The following ROBO1 variants were observed in gnomAD, a reference collection of about 807,000 sequenced individuals.
ROBO1 encodes roundabout homolog 1.
A neutral mutation model predicts 195.9 loss-of-function variants in ROBO1; 149 were observed. That is an observed-to-expected ratio of 0.76 (90% CI 0.67 to 0.87). ROBO1 has a LOEUF of 0.87. Among genes scored for constraint, ROBO1 ranks in the 40% least tolerant of loss-of-function variants. The pLI is 0.00. For synonymous variants in ROBO1, 816 were observed against 733.2 expected, an observed-to-expected ratio of 1.11 and a Z score of -1.82; for missense variants, 1,933 against 2,068.3, an observed-to-expected ratio of 0.93 and a Z score of 1.27.
At chr3:78,732,489 T>C (rs1044262576) in intron 5 of ROBO1, among the ~76,000 whole-genome samples, 2 of 152,170 alleles carry the variant, frequency 1.3e-5, no homozygotes, top group Non-Finnish European at 2.9e-5. Context: ...ATATCCCACA[T>C]ACATTTCTAT....
At chr3:79,702,446 T>C (rs1031009802) in intron 1 of ROBO1, among the ~76,000 whole-genome samples, 18 of 151,860 alleles carry the variant, frequency 1.2e-4, no homozygotes, top group African/African-American at 4.3e-4. Context: ...CAAACTTAAA[T>C]CTTGTGCTGG....
intron 1 of ROBO1, among the ~76,000 whole-genome samples, chr3:79,639,642 A>G (rs1033808940): frequency 6.6e-6 from 1 of 152,190 alleles, no homozygotes; most frequent in Non-Finnish European, 1.5e-5. Context: ...TAGTTTTATT[A>G]TATTTCACTC....
chr3:79,674,827 CGTGTGTGTGTGTGT>C (rs151094387), intron 1 of ROBO1, among the ~76,000 whole-genome samples: 20 of 61,918 alleles, frequency 3.2e-4, no homozygotes, highest in South Asian at 6.2e-4. Context: ...TATTTATATC[CGTGTGTGTGTGTGT>C]GTGTGTGTGT....
chr3:78,819,303 C>T (rs573665239), intron 4 of ROBO1, among the ~76,000 whole-genome samples: 2 of 152,082 alleles, frequency 1.3e-5, no homozygotes, highest in South Asian at 2.1e-4. Context: ...TCTTGTTTAT[C>T]TTTAATTACC....
intron 7 of ROBO1, among the ~76,000 whole-genome samples, chr3:78,716,742 G>T (rs570358932): frequency 6.6e-6 from 1 of 152,188 alleles, no homozygotes; most frequent in African/African-American, 2.4e-5. Flanking sequence ...AAGACGGCCC[G>T]CTGACAGTAC....
chr3:78,849,590 CTT>C (rs900715554), intron 4 of ROBO1, among the ~76,000 whole-genome samples: 2 of 151,686 alleles, frequency 1.3e-5, no homozygotes, highest in African/African-American at 2.4e-5. Context: ...AGAATGTTGT[CTT>C]TGTGTCATTT....
chr3:79,136,713 C>A (rs754802027), intron 2 of ROBO1, among the ~76,000 whole-genome samples: 1 of 152,028 alleles, frequency 6.6e-6, no homozygotes, highest in Non-Finnish European at 1.5e-5. Context: ...TTAAGTTAAA[C>A]TCAAACTTCT....
At chr3:79,759,209 A>G (rs1704565212) in intron 1 of ROBO1, among the ~76,000 whole-genome samples, 1 of 152,216 alleles carries the variant, frequency 6.6e-6, no homozygotes, top group Non-Finnish European at 1.5e-5. Flanking sequence ...AAGTTGTTTT[A>G]CAATCTTCCT....
In ROBO1 at chr3:79,350,364, G is replaced by A. The variant is rs548012290; in HGVS notation, c.89-224825C>T. The stretch of plus-strand genomic sequence containing the variant: ...TGCTAGTTGGATTGTAATATGTTAC[G>A]GTGACTTTGAAAACCACTGTCCGTT... On this transcript the variant is annotated intron_variant, in intron 2 of 30. Coordinates refer to ENST00000464233, the MANE Select transcript of ROBO1 (RefSeq NM_002941.4). Among the ~76,000 whole-genome samples, 11 of 152,194 alleles carry A rather than the reference G, an allele frequency of 7.2e-5. No homozygotes were observed. In the South Asian group the frequency reaches 1.2e-3, roughly 17 times the overall value.
chr3:78,748,725 C>T (rs1215524805), intron 4 of ROBO1, among the ~76,000 whole-genome samples: 1 of 151,910 alleles, frequency 6.6e-6, no homozygotes, highest in Non-Finnish European at 1.5e-5. Context: ...AGTAAGTTAT[C>T]ACATCCATGA....
chr3:78,705,261 T>C (rs1452008730), intron 8 of ROBO1, among the ~76,000 whole-genome samples: 1 of 152,174 alleles, frequency 6.6e-6, no homozygotes, highest in Non-Finnish European at 1.5e-5. Context: ...CCTGATGAAT[T>C]TTTAATTTAG....
At chr3:79,742,601 C>A (rs1360486259) in intron 1 of ROBO1, among the ~76,000 whole-genome samples, 1 of 152,128 alleles carries the variant, frequency 6.6e-6, no homozygotes, top group Non-Finnish European at 1.5e-5. Flanking sequence ...CCGAGGGTTC[C>A]CCAGCCTCAC....
chr3:79,308,212 A>G (rs1166349909), intron 2 of ROBO1, among the ~76,000 whole-genome samples: 3 of 152,186 alleles, frequency 2.0e-5, no homozygotes, highest in Admixed American at 6.6e-5. Flanking sequence ...TAGAAGTTGT[A>G]TAATTTTTGT....
At chr3:78,630,555 C>A (rs1397572577) in intron 25 of ROBO1, among the ~76,000 whole-genome samples, 1 of 152,030 alleles carries the variant, frequency 6.6e-6, no homozygotes, top group Non-Finnish European at 1.5e-5. Context: ...GAGTTTTCCC[C>A]CTTTGGTTAT....
chr3:78,931,236 CTT>C (rs71127369), intron 4 of ROBO1, among the ~76,000 whole-genome samples: 4,093 of 79,580 alleles, frequency 0.051, 188 homozygotes, highest in African/African-American at 0.17. Context: ...TTCTTTCTTT[CTT>C]TTTTTTTTTT....
At chr3:79,317,232 AAAATATTATTTCTATTTCCAG>A (rs2033775701) in intron 2 of ROBO1, among the ~76,000 whole-genome samples, 1 of 152,142 alleles carries the variant, frequency 6.6e-6, no homozygotes, top group African/African-American at 2.4e-5. Flanking sequence ...TTTAAACCAA[AAAATATTATTTCTATTTCCAG>A]AGTCACTCCT....
chr3:78,874,436 A>G (rs2035719908), intron 4 of ROBO1, among the ~76,000 whole-genome samples: 2 of 151,884 alleles, frequency 1.3e-5, no homozygotes, highest in Admixed American at 1.3e-4. Flanking sequence ...CAAAATTTGC[A>G]TTATAACTTA....
At chr3:79,552,265 C>T (rs1035272594) in intron 2 of ROBO1, among the ~76,000 whole-genome samples, 1 of 151,910 alleles carries the variant, frequency 6.6e-6, no homozygotes, top group Non-Finnish European at 1.5e-5. Flanking sequence ...TGAATATTAA[C>T]ATATTAAAGA....
intron 4 of ROBO1, among the ~76,000 whole-genome samples, chr3:78,855,809 A>G (rs2034379634): frequency 6.6e-6 from 1 of 152,158 alleles, no homozygotes; most frequent in Non-Finnish European, 1.5e-5. Flanking sequence ...AATATGAACA[A>G]AGAATTGCAA....
Sources: gnomAD v4.1 joint callset for allele counts (sites outside exome capture counted in the v4.1 genomes callset) on GRCh38, gnomAD v4.1.1 for gene constraint, MANE v1.5 for transcripts, NCBI Gene and HGNC (gene_info 2026-07-23, HGNC 2026-07-21) for gene names.